Variants in LRIG1 observed in about 807,000 individuals in gnomAD.
LRIG1 encodes the protein leucine-rich repeats and immunoglobulin-like domains protein 1.
Under a neutral mutation model 99.2 loss-of-function variants are expected in LRIG1, and 48 were observed. The ratio of observed to expected loss-of-function variants is 0.48; its 90% CI spans 0.38 to 0.62. The LOEUF (loss-of-function observed/expected upper bound fraction) is 0.62, where lower values mean the gene tolerates loss of function less well. LRIG1 is among the 20% of genes least tolerant of loss of function. The probability of loss-of-function intolerance (pLI) is 0.00; values close to 1 mark genes in which losing one functional copy is unlikely to be tolerated. For synonymous variants in LRIG1, 772 were observed against 596.1 expected (o/e 1.29, Z -4.30); for missense variants, 1,646 against 1,434.4 (o/e 1.15, Z -2.38).
chr3:66,385,414 A>G (rs1311949885), intron 13 of LRIG1, among the ~76,000 whole-genome samples: 1 of 152,072 alleles, frequency 6.6e-6, no homozygotes, highest in Non-Finnish European at 1.5e-5. Context: ...TAAGAACTGG[A>G]CAAAACAAGG....
At chr3:66,458,277 A>G (rs1167139831) in intron 2 of LRIG1, among the ~76,000 whole-genome samples, 1 of 152,150 alleles carries the variant, frequency 6.6e-6, no homozygotes, top group Non-Finnish European at 1.5e-5. Context: ...CACTATGTCC[A>G]GCTAATTTTT....
At chr3:66,395,044 C>T (rs1701789933) in intron 11 of LRIG1, among the ~76,000 whole-genome samples, 2 of 152,198 alleles carry the variant, frequency 1.3e-5, no homozygotes, top group Non-Finnish European at 2.9e-5. Context: ...TCTCAGCGGA[C>T]ATTCCTTCCT....
At chr3:66,382,472 C>T in intron 15 of LRIG1, 74 bp from the exon 16 acceptor site, 1 of 1,563,232 alleles carries the variant, frequency 6.4e-7, no homozygotes, top group Non-Finnish European at 8.8e-7. Flanking sequence ...CACTGTCAAG[C>T]TCAGAAAGGG....
chr3:66,492,573 G>A (rs1412533286), intron 1 of LRIG1, among the ~76,000 whole-genome samples: 1 of 152,092 alleles, frequency 6.6e-6, no homozygotes, highest in African/African-American at 2.4e-5. Flanking sequence ...GATCATAAAA[G>A]ATAAGAGATT....
chr3:66,387,685 G>C (rs1701441520), intron 12 of LRIG1: 1 of 151,900 alleles, frequency 6.6e-6, no homozygotes, highest in African/African-American at 2.4e-5. Context: ...AGGAAAAAAA[G>C]CAGTCAACAG....
intron 1 of LRIG1, among the ~76,000 whole-genome samples, chr3:66,467,265 C>A (rs1380936690): frequency 6.6e-6 from 1 of 152,072 alleles, no homozygotes; most frequent in African/African-American, 2.4e-5. Context: ...TCTGTGCTGT[C>A]CAATTTAGTA....
intron 16 of LRIG1, 111 bp from the exon 17 acceptor site, chr3:66,381,742 T>C: frequency 1.6e-6 from 2 of 1,212,140 alleles, no homozygotes; most frequent in East Asian, 4.7e-5. Flanking sequence ...TAAAAAGTTC[T>C]TCAGAGCGGT....
chr3:66,392,049 A>C (rs2107961932), intron 12 of LRIG1, among the ~76,000 whole-genome samples: 1 of 152,312 alleles, frequency 6.6e-6, no homozygotes. Context: ...GAATGGAATC[A>C]TATAATCTAA....
rs956747271 is a variant in LRIG1, at chr3:66,380,199, C to G, written c.*64G>C. On this transcript the variant is annotated 3_prime_UTR_variant, in exon 19 of 19. Coordinates refer to ENST00000273261, the MANE Select transcript of LRIG1 (RefSeq NM_015541.3). Reference sequence around the variant, plus strand: ...AGTGACGCTTGAACCCAAGCTTCCTCGCAGCCTCTCCTACCTCTCTTTCCC... The same window carrying G: ...AGTGACGCTTGAACCCAAGCTTCCTGGCAGCCTCTCCTACCTCTCTTTCCC... 6.5e-6 allele frequency: 9 copies of G among 1,390,444 alleles called. No individual in the cohort carries two copies. Among genetic ancestry groups the G allele is most frequent in the Admixed American group, 2.1e-5 (1 of 48,430 alleles). The allele number at this position is 1,390,444 out of a possible 1,614,324, so 86.1% of individuals were successfully genotyped here. A position where few individuals can be genotyped will look rare whatever the true frequency, so the allele number is the denominator to read the frequency against.
At chr3:66,495,559 G>C (rs1701207443) in intron 1 of LRIG1, among the ~76,000 whole-genome samples, 1 of 152,182 alleles carries the variant, frequency 6.6e-6, no homozygotes, top group Non-Finnish European at 1.5e-5. Flanking sequence ...AAACAAACGA[G>C]GAAAAGAAGA....
intron 3 of LRIG1, among the ~76,000 whole-genome samples, chr3:66,437,109 C>A (rs10049272): frequency 6.6e-6 from 1 of 152,166 alleles, no homozygotes; most frequent in South Asian, 2.1e-4. Flanking sequence ...ATTTTCCTTC[C>A]GTCTCTGCAG....
intron 3 of LRIG1, among the ~76,000 whole-genome samples, chr3:66,432,667 G>A (rs184427175): frequency 8.5e-5 from 13 of 152,232 alleles, no homozygotes; most frequent in African/African-American, 2.9e-4. Flanking sequence ...ACTGGAGCCC[G>A]GAACAGGAAT....
intron 1 of LRIG1, among the ~76,000 whole-genome samples, chr3:66,466,048 T>A (rs1381136186): frequency 6.6e-6 from 1 of 152,208 alleles, no homozygotes; most frequent in South Asian, 2.1e-4. Context: ...TCATTTTTTT[T>A]AGAGACAGGG....
rs535982306 is a variant in LRIG1 at position 66,440,059 on chromosome 3, G to A, written c.365+11500C>T. Reference sequence around the variant, plus strand: ...AGTGGAGGGAGGTGGGGGAGCCTGGGTATTTTAAATGATAGTTATGAGAGG... The same window carrying A: ...AGTGGAGGGAGGTGGGGGAGCCTGGATATTTTAAATGATAGTTATGAGAGG... On this transcript the variant is annotated intron_variant, in intron 3 of 18. Coordinates refer to ENST00000273261, the MANE Select transcript of LRIG1 (RefSeq NM_015541.3). Among the ~76,000 whole-genome samples, 17 of 152,228 alleles carry A rather than the reference G, an allele frequency of 1.1e-4. No homozygotes were observed. In the South Asian group the frequency reaches 3.3e-3, roughly 30 times the overall value.
intron 1 of LRIG1, among the ~76,000 whole-genome samples, chr3:66,476,315 G>C (rs1014625028): frequency 2.0e-5 from 3 of 152,138 alleles, no homozygotes; most frequent in African/African-American, 7.2e-5. Flanking sequence ...AAATAGCCCT[G>C]TCTGGCCAGT....
intron 2 of LRIG1, among the ~76,000 whole-genome samples, chr3:66,453,179 G>A (rs1051380774): frequency 6.6e-6 from 1 of 152,192 alleles, no homozygotes; most frequent in African/African-American, 2.4e-5. Flanking sequence ...TTTTATCAGA[G>A]CAAGAAAAAC....
At chr3:66,412,543 A>C in intron 6 of LRIG1, among the ~76,000 whole-genome samples, 1 of 152,358 alleles carries the variant, frequency 6.6e-6, no homozygotes, top group South Asian at 2.1e-4. Context: ...CCCGGTCCCC[A>C]AGACAATGAG....
chr3:66,430,192 A>AC (rs202181123), intron 3 of LRIG1, among the ~76,000 whole-genome samples: 1,514 of 65,370 alleles, frequency 0.023, 11 homozygotes, highest in African/African-American at 0.028. Flanking sequence ...AACAACAACA[A>AC]AAAAAAAACA....
intron 9 of LRIG1, among the ~76,000 whole-genome samples, chr3:66,404,060 A>C (rs149885896): frequency 1.0e-3 from 153 of 152,356 alleles, no homozygotes; most frequent in African/African-American, 3.5e-3. Context: ...AAGGAGAAGA[A>C]TCACTGATAA....
Sources: gnomAD v4.1 joint callset for allele counts (sites outside exome capture counted in the v4.1 genomes callset) on GRCh38, gnomAD v4.1.1 for gene constraint, MANE v1.5 for transcripts, NCBI Gene and HGNC (gene_info 2026-07-23, HGNC 2026-07-21) for gene names.